ZSCAN31: variants seen among roughly 807,000 people sequenced by gnomAD.
The protein encoded by ZSCAN31 is zinc finger and SCAN domain containing 31.
Under a neutral mutation model 22.5 loss-of-function variants are expected in ZSCAN31, and 14 were observed. The ratio of observed to expected loss-of-function variants is 0.62; its 90% CI spans 0.41 to 0.97. ZSCAN31 has a LOEUF of 0.97. ZSCAN31 is among the 50% of genes least tolerant of loss of function. ZSCAN31 has a pLI of 0.00. For synonymous variants in ZSCAN31, 168 were observed against 169.8 expected, an observed-to-expected ratio of 0.99 and a Z score of 0.08; for missense variants, 424 against 483.4, an observed-to-expected ratio of 0.88 and a Z score of 1.15.
rs1365115958 is a variant in ZSCAN31 at position 28,351,046 on chromosome 6, A to G, written c.-371+2816T>C. Among the ~76,000 whole-genome samples the G allele has an allele frequency of 6.6e-6, 1 of 152,184 alleles. No homozygotes were observed. The highest frequency in any genetic ancestry group is 1.5e-5 in the Non-Finnish European group (1 of 68,044). On this transcript the variant is annotated intron_variant, in intron 2 of 7. Transcript: ENST00000396838. This position sits in a 1 kb window ranked among gnomAD's most constrained non-coding sequence, Gnocchi z 4.6. ...CCTAGCCTGAAACTGGCTTCATACT[A>G]ACACCCTTCATTTCAACCCAACTTT...
chr6:28,354,211 T>C, upstream of ZSCAN31: 1 of 332,682 alleles, frequency 3.0e-6, no homozygotes, highest in Non-Finnish European at 6.0e-6. Flanking sequence ...AAGTCCTATG[T>C]ACAGTGTCAG....
chr6:28,341,123 A>G (rs1230455082), upstream of ZSCAN31, among the ~76,000 whole-genome samples: 3 of 152,236 alleles, frequency 2.0e-5, no homozygotes, highest in African/African-American at 7.2e-5. Flanking sequence ...ACAATTATAT[A>G]TGGATCAATA....
In ZSCAN31 at chr6:28,331,809, C is replaced by A. The variant is rs1763767561; in HGVS notation, c.-95-2031G>T. ...ATGCTATTGAGAAACCATGGAGATA[C>A]AGTTGGCTTTTTTTGTTTTTTGTTT... On this transcript the variant is annotated intron_variant, in intron 1 of 3. Coordinates refer to ENST00000344279, the MANE Select transcript of ZSCAN31 (RefSeq NM_030899.5). This position sits in a 1 kb window ranked among gnomAD's most constrained non-coding sequence, Gnocchi z 4.8. Among the ~76,000 whole-genome samples the A allele has an allele frequency of 6.6e-6, 1 of 152,186 alleles. No individual in the cohort carries two copies. Among genetic ancestry groups the A allele is most frequent in the African/African-American group, 2.4e-5 (1 of 41,446 alleles).
Position 28,349,970 on chromosome 6 carries a change from T to C in ZSCAN31, c.-371+3892A>G, listed in dbSNP as rs768219809. 1 of 152,054 alleles carries C rather than the reference T, an allele frequency of 6.6e-6. No homozygotes were observed. The highest frequency in any genetic ancestry group is 1.5e-5 in the Non-Finnish European group (1 of 68,034). 9.4% of individuals were successfully genotyped at this position (152,054 alleles called of 1,614,324 possible). ...TTGCTAGTTTCAAGCACTTTGTGAG[T>C]ATGGGGTGAATCGGCGTCGGCCTTC... On this transcript the variant is annotated intron_variant, in intron 2 of 7. Coordinates refer to the ZSCAN31 transcript ENST00000396838. The surrounding 1 kb of genome is among the most constrained non-coding windows in gnomAD (Gnocchi z 4.1).
Position 28,325,959 on chromosome 6 carries a change from C to A in ZSCAN31, c.*207G>T. ...TCATCCACACAGGAGACACCAACAC[C>A]TGGTTTGTAGACAAGTGGTTCAATG... On this transcript the variant is annotated 3_prime_UTR_variant, in exon 4 of 4. Transcript: ENST00000344279. The A allele has an allele frequency of 2.0e-6, 1 of 491,148 alleles. No homozygotes were observed. The allele number at this position is 491,148 out of a possible 1,614,324, so 30.4% of individuals were successfully genotyped here. A position where few individuals can be genotyped will look rare whatever the true frequency, so the allele number is the denominator to read the frequency against.
upstream of ZSCAN31, among the ~76,000 whole-genome samples, chr6:28,339,365 C>T (rs191634126): frequency 7.3e-4 from 111 of 152,254 alleles, no homozygotes; most frequent in African/African-American, 2.5e-3. Context: ...GGCTCGATCT[C>T]AGCTCACTGC....
In ZSCAN31 at chr6:28,329,347, C is replaced by G; in HGVS notation, c.337G>C (p.Val113Leu). 1 of 1,605,618 alleles carries G rather than the reference C, an allele frequency of 6.2e-7. No individual in the cohort carries two copies. The highest frequency in any genetic ancestry group is 1.1e-5 in the South Asian group (1 of 90,254). Residue 113 changes from valine to leucine, a missense_variant, in exon 2 of 4, where the codon GTA (valine) becomes CTA (leucine). Transcript: ENST00000344279. ...AGCTCTTGTTCCAGATCTTCAACTA[C>G]AGCCACAGCCTCCTCCCCACTCTCC... is the stretch of plus-strand genomic sequence containing the variant. ...HPESGEEAVA[V>L]VEDLEQELSE...
intron 2 of ZSCAN31, among the ~76,000 whole-genome samples, chr6:28,342,001 A>G (rs1020642817): frequency 6.6e-6 from 1 of 152,192 alleles, no homozygotes; most frequent in South Asian, 2.1e-4. Context: ...TTGAAATAGT[A>G]CAGTTGTTTT....
At chr6:28,328,303 G>T (rs533260137) in intron 2 of ZSCAN31, among the ~76,000 whole-genome samples, 1 of 152,132 alleles carries the variant, frequency 6.6e-6, no homozygotes, top group African/African-American at 2.4e-5. Flanking sequence ...AATAAGCCTG[G>T]GAGTGCTATG....
rs1763721998 is a variant in ZSCAN31, at chr6:28,331,310, T to TCA, written c.-95-1533_-95-1532insTG. Among the ~76,000 whole-genome samples the TCA allele has an allele frequency of 1.3e-5, 2 of 152,330 alleles. No homozygotes were observed. Among genetic ancestry groups the TCA allele is most frequent in the Non-Finnish European group, 2.9e-5 (2 of 68,004 alleles). ...TGACTTTAGTGGTGTAATTTAAGTT[T>TCA]TATATGATTTTTGCCCAATGCTAAT... On this transcript the variant is annotated intron_variant, in intron 1 of 3. Transcript: ENST00000344279. This position sits in a 1 kb window ranked among gnomAD's most constrained non-coding sequence, Gnocchi z 4.8.
Position 28,351,132 on chromosome 6 carries a change from C to T in ZSCAN31, c.-371+2730G>A, listed in dbSNP as rs935515885. 1.3e-5 allele frequency among the ~76,000 whole-genome samples: 2 copies of T among 152,174 alleles called. No homozygotes were observed. Among genetic ancestry groups the T allele is most frequent in the African/African-American group, 4.8e-5 (2 of 41,442 alleles). On this transcript the variant is annotated intron_variant, in intron 2 of 7. Transcript: ENST00000396838. This position sits in a 1 kb window ranked among gnomAD's most constrained non-coding sequence, Gnocchi z 4.6. ...TTCTGTTAATGAGAAACTTTCCTTT[C>T]CTTATCTTCAGTATATTTACTGATT...
Position 28,329,713 on chromosome 6 carries a change from G to T in ZSCAN31, c.-30C>A, listed in dbSNP as rs1395736509. The T allele has an allele frequency of 6.3e-7, 1 of 1,577,750 alleles. No homozygotes were observed. Among genetic ancestry groups the T allele is most frequent in the African/African-American group, 1.4e-5 (1 of 73,032 alleles). ...GGGGTTAATTTGGAAGGCTTACTCT[G>T]GCTTTAAGTAAAGGGATAACTGTGA... On this transcript the variant is annotated 5_prime_UTR_variant, in exon 2 of 4. Transcript: ENST00000344279.
intron 3 of ZSCAN31, 120 bp downstream of exon 3, chr6:28,327,263 C>G: frequency 8.4e-7 from 1 of 1,193,982 alleles, no homozygotes; most frequent in Non-Finnish European, 1.2e-6. Flanking sequence ...TGTCACAGAA[C>G]TATTAAATGC....
At chr6:28,343,770 C>T (rs1048842499) in intron 2 of ZSCAN31, among the ~76,000 whole-genome samples, 3 of 152,012 alleles carry the variant, frequency 2.0e-5, no homozygotes, top group East Asian at 1.9e-4. Context: ...CCTCATGATC[C>T]GCCCGCCTTG....
chr6:28,327,468 C>T lies in ZSCAN31; in HGVS notation c.447G>A (p.Lys149=), dbSNP rs1189014401. The change falls in exon 3 of 4, where the codon AAG becomes AAA. Residue 149 remains lysine (K), a synonymous_variant. Transcript: ENST00000344279. ...LLEDVEHLKV[K]QEPTDIQLQP... ...GAAGCTGTATGTCTGTTGGTTCCTGCTTGACCTTCAGATGTTCCACATCCT... is the reference window on the plus strand; with the variant it reads ...GAAGCTGTATGTCTGTTGGTTCCTGTTTGACCTTCAGATGTTCCACATCCT... 3.1e-6 allele frequency: 5 copies of T among 1,614,014 alleles called. No homozygotes were observed. Among genetic ancestry groups the T allele is most frequent in the Non-Finnish European group, 4.2e-6 (5 of 1,180,006 alleles).
rs1763946616 is a variant in ZSCAN31 at position 28,333,915 on chromosome 6, G to A, written c.-96+2167C>T. On this transcript the variant is annotated intron_variant, in intron 1 of 3. Coordinates refer to ENST00000344279, the MANE Select transcript of ZSCAN31 (RefSeq NM_030899.5). This position sits in a 1 kb window ranked among gnomAD's most constrained non-coding sequence, Gnocchi z 4.1. ...CTACTGGATGGAGAATGAGCTGAGG[G>A]AATGAGGGTAGAGGCAAAAGTGGAA... Among the ~76,000 whole-genome samples, 2 of 152,154 alleles carry A rather than the reference G, an allele frequency of 1.3e-5. No homozygotes were observed. The highest frequency in any genetic ancestry group is 1.3e-4 in the Admixed American group (2 of 15,270).
chr6:28,326,167 T>C lies in ZSCAN31; in HGVS notation c.1220A>G (p.Ter407=). The change falls in exon 4 of 4, where the codon TAA becomes TGA. Residue 407 remains the stop codon, a stop_retained_variant. Transcript: ENST00000344279. The part of the protein sequence containing the change: ...HQKIHTGERP[*] The stretch of plus-strand genomic sequence containing the variant: ...AAGGCTTTCCCAAACTCATCACCCT[T>C]ATGGTCTCTCTCCAGTGTGGATTTT... 1 of 1,604,036 alleles carries C rather than the reference T, an allele frequency of 6.2e-7. No homozygotes were observed. Among genetic ancestry groups the C allele is most frequent in the South Asian group, 1.1e-5 (1 of 90,484 alleles).
rs1218038536 is a variant in ZSCAN31 at position 28,349,870 on chromosome 6, G to C, written c.-371+3992C>G. On this transcript the variant is annotated intron_variant, in intron 2 of 7. Coordinates refer to the ZSCAN31 transcript ENST00000396838. This position sits in a 1 kb window ranked among gnomAD's most constrained non-coding sequence, Gnocchi z 4.1. ...GGAGGGGACACAAGGTGCCGAGCTA[G>C]CAAACGACAGAGTCTGTCAGGGAGG... 1 of 152,262 alleles carries C rather than the reference G, an allele frequency of 6.6e-6. No individual in the cohort carries two copies. The highest frequency in any genetic ancestry group is 1.5e-5 in the Non-Finnish European group (1 of 68,046). 9.4% of individuals were successfully genotyped at this position (152,262 alleles called of 1,614,324 possible). A position where few individuals can be genotyped will look rare whatever the true frequency, so the allele number is the denominator to read the frequency against.
At chr6:28,348,987 GGTGTATATA>G (rs1764774896) in intron 2 of ZSCAN31, among the ~76,000 whole-genome samples, 1 of 132,170 alleles carries the variant, frequency 7.6e-6, no homozygotes, top group Non-Finnish European at 1.6e-5. Context: ...CATATACATA[GGTGTATATA>G]CATGTCTCAT....
Sources: gnomAD v4.1 joint callset for allele counts (sites outside exome capture counted in the v4.1 genomes callset) on GRCh38, gnomAD v4.1.1 for gene constraint, Gnocchi (gnomAD v3.1) non-coding constraint, MANE v1.5 for transcripts, NCBI Gene and HGNC (gene_info 2026-07-23, HGNC 2026-07-21) for gene names.